The following ZFHX3 variants were observed in gnomAD, a reference collection of about 807,000 sequenced individuals.
ZFHX3 encodes the protein zinc finger homeobox 3.
A neutral mutation model predicts 279.1 loss-of-function variants in ZFHX3; 42 were observed. The observed-to-expected ratio is 0.15, with a 90% CI of 0.12 to 0.19. The LOEUF (loss-of-function observed/expected upper bound fraction) is 0.19, where lower values mean the gene tolerates loss of function less well. Ranked by LOEUF, ZFHX3 falls within the 10% of genes least tolerant of loss-of-function variation. The pLI, the probability that ZFHX3 is intolerant of heterozygous loss-of-function variation, is 1.00. For missense variants in ZFHX3, 4,981 were observed against 4,754.0 expected, an observed-to-expected ratio of 1.05 and a Z score of -1.40; for synonymous variants, 2,293 against 1,957.8, an observed-to-expected ratio of 1.17 and a Z score of -4.52.
intron 1 of ZFHX3, among the ~76,000 whole-genome samples, chr16:73,005,421 G>C (rs1321253179): frequency 6.6e-6 from 1 of 152,106 alleles, no homozygotes; most frequent in Non-Finnish European, 1.5e-5. Flanking sequence ...CTTGAGCCTG[G>C]CAGACAAAGG....
chr16:72,882,334 A>G (rs867220767), intron 4 of ZFHX3, among the ~76,000 whole-genome samples: 1 of 152,166 alleles, frequency 6.6e-6, no homozygotes, highest in Middle Eastern at 3.4e-3. Flanking sequence ...GAACAACACT[A>G]ACCAGAAGGG....
intron 4 of ZFHX3, among the ~76,000 whole-genome samples, chr16:73,317,397 C>T (rs908156439): frequency 6.6e-6 from 1 of 152,178 alleles, no homozygotes; most frequent in African/African-American, 2.4e-5. Flanking sequence ...CATCGCTGGG[C>T]CCTTCCCCCA....
At chr16:73,430,873 G>A (rs2017897683) in intron 3 of ZFHX3, among the ~76,000 whole-genome samples, 2 of 152,198 alleles carry the variant, frequency 1.3e-5, no homozygotes, top group East Asian at 1.9e-4. Flanking sequence ...AAGGGATGTT[G>A]CGCTAATTAC....
Position 72,787,993 on chromosome 16 carries a change from G to T in ZFHX3, c.10283C>A (p.Pro3428His), listed in dbSNP as rs375049833. 1.2e-5 allele frequency: 20 copies of T among 1,613,606 alleles called. No homozygotes were observed. The highest frequency in any genetic ancestry group is 4.5e-5 in the East Asian group (2 of 44,860). The stretch of plus-strand genomic sequence containing the variant: ...CGGCAGGAGGGGGGACACCTCACGG[G>T]GGGTGTTTTTCTGTTCTTCTGGTTT... ...SPKPEEQKNT[P>H]REVSPLLPKL... The change falls in exon 10 of 10, where the codon CCC becomes CAC. Residue 3428 changes from proline (P) to histidine (H), a missense_variant. Around this residue, in one of 7 missense-constraint regions of ZFHX3, gnomAD observed 1,034 missense variants for 786.0 expected, o/e 1.32. Coordinates refer to ENST00000268489, the MANE Select transcript of ZFHX3 (RefSeq NM_006885.4).
chr16:72,843,724 T>C (rs945892874), intron 4 of ZFHX3, among the ~76,000 whole-genome samples: 9 of 152,068 alleles, frequency 5.9e-5, no homozygotes, highest in African/African-American at 1.4e-4. Flanking sequence ...CTTCCCTCCA[T>C]CAAGGTGGTG....
chr16:73,516,787 A>T (rs1175442040), intron 2 of ZFHX3, among the ~76,000 whole-genome samples: 1 of 152,202 alleles, frequency 6.6e-6, no homozygotes, highest in East Asian at 1.9e-4. Flanking sequence ...TGTCTGACAC[A>T]CAGTAGCTGC....
intron 4 of ZFHX3, among the ~76,000 whole-genome samples, chr16:73,315,326 G>A (rs187184608): frequency 2.5e-4 from 38 of 152,190 alleles, no homozygotes; most frequent in African/African-American, 7.9e-4. Flanking sequence ...AAGTACTCAC[G>A]TTGTTGCCTT....
At chr16:73,317,716 T>C (rs1374711517) in intron 4 of ZFHX3, among the ~76,000 whole-genome samples, 1 of 152,146 alleles carries the variant, frequency 6.6e-6, no homozygotes, top group Non-Finnish European at 1.5e-5. Context: ...CACATACACA[T>C]GCGCGGCATC....
At position 73,259,472 on chromosome 16, in the gene ZFHX3, T is replaced by C. The variant is rs143414740; in HGVS notation, c.-1193-2336A>G. Among the ~76,000 whole-genome samples the C allele has an allele frequency of 6.6e-3, 1,008 of 152,364 alleles. 12 individuals carry two copies. The highest frequency in any genetic ancestry group is 0.023 in the African/African-American group (968 of 41,582). ...TCTACGCTTCTTGAAGCTTCAGTTATGTAAAATGGAGAAAATACCTTTTTC... is the reference window on the plus strand; with the variant it reads ...TCTACGCTTCTTGAAGCTTCAGTTACGTAAAATGGAGAAAATACCTTTTTC... On this transcript the variant is annotated intron_variant, in intron 4 of 17. Transcript: ENST00000641206.
intron 1 of ZFHX3, among the ~76,000 whole-genome samples, chr16:73,833,851 C>T (rs1961066486): frequency 1.3e-5 from 2 of 149,542 alleles, no homozygotes; most frequent in African/African-American, 4.9e-5. Flanking sequence ...TGTCGGGTAC[C>T]ACATTGTATG....
intron 2 of ZFHX3, among the ~76,000 whole-genome samples, chr16:73,525,751 T>C (rs1189012251): frequency 6.6e-6 from 1 of 152,208 alleles, no homozygotes; most frequent in Non-Finnish European, 1.5e-5. Context: ...GGTTCAGGCT[T>C]AATCACTTGT....
chr16:73,454,460 A>G (rs867021410), intron 3 of ZFHX3, among the ~76,000 whole-genome samples: 1 of 152,114 alleles, frequency 6.6e-6, no homozygotes, highest in Non-Finnish European at 1.5e-5. Context: ...TGAATTCCCT[A>G]AGACAGTAAT....
At chr16:73,382,537 G>C (rs991893047) in intron 3 of ZFHX3, among the ~76,000 whole-genome samples, 6 of 152,178 alleles carry the variant, frequency 3.9e-5, no homozygotes, top group African/African-American at 1.2e-4. Flanking sequence ...GCCCACTCAG[G>C]CTGCTGTGTG....
chr16:73,429,491 C>T (rs965945185), intron 3 of ZFHX3, among the ~76,000 whole-genome samples: 2 of 151,920 alleles, frequency 1.3e-5, no homozygotes, highest in African/African-American at 4.8e-5. Context: ...CGCCACCATG[C>T]CCGGCTGATT....
intron 7 of ZFHX3, among the ~76,000 whole-genome samples, chr16:73,128,521 A>G (rs895759875): frequency 6.6e-6 from 1 of 152,184 alleles, no homozygotes; most frequent in African/African-American, 2.4e-5. Context: ...ACTCCAGAGC[A>G]CTTTTTCTTA....
At chr16:73,490,933 A>C (rs1249608690) in intron 2 of ZFHX3, among the ~76,000 whole-genome samples, 6 of 152,194 alleles carry the variant, frequency 3.9e-5, no homozygotes, top group African/African-American at 1.2e-4. Context: ...AATATATAAT[A>C]CAATGTCAGA....
At chr16:72,945,447 C>T (rs182508159) in intron 3 of ZFHX3, among the ~76,000 whole-genome samples, 33 of 152,268 alleles carry the variant, frequency 2.2e-4, no homozygotes, top group Admixed American at 3.9e-4. Flanking sequence ...CAGAGACCCA[C>T]GTCCCACCAG....
chr16:73,721,757 C>G (rs781342180), intron 1 of ZFHX3, among the ~76,000 whole-genome samples: 7 of 152,144 alleles, frequency 4.6e-5, no homozygotes, highest in Non-Finnish European at 7.4e-5. Context: ...AACAATACCA[C>G]TAGTGGGCCA....
intron 1 of ZFHX3, among the ~76,000 whole-genome samples, chr16:73,791,228 G>A (rs1482829251): frequency 6.6e-6 from 1 of 151,710 alleles, no homozygotes; most frequent in Non-Finnish European, 1.5e-5. Context: ...GCCACCCAAA[G>A]TGCTGGGATT....
Sources: allele counts gnomAD v4.1 joint callset (sites outside exome capture counted in the v4.1 genomes callset), GRCh38; gene constraint gnomAD v4.1.1; regional missense constraint gnomAD v4.1.1; transcripts MANE v1.5; gene names NCBI Gene and HGNC (gene_info 2026-07-23, HGNC 2026-07-21).